The following PAPSS2 variants were observed in gnomAD, a reference collection of about 807,000 sequenced individuals.
PAPSS2 encodes the protein 3'-phosphoadenosine 5'-phosphosulfate synthase 2, also known as bifunctional 3'-phosphoadenosine 5'-phosphosulfate synthase 2.
A neutral mutation model predicts 66.5 loss-of-function variants in PAPSS2; 61 were observed. That is an observed-to-expected ratio of 0.92 (90% confidence interval 0.75 to 1.14). The LOEUF is 1.14. Ranked by LOEUF, PAPSS2 falls within the 50% of genes most tolerant of loss-of-function variation. The pLI is 0.00. For missense variants in PAPSS2, 708 were observed against 789.6 expected, an observed-to-expected ratio of 0.90 and a Z score of 1.24; for synonymous variants, 289 against 287.5, an observed-to-expected ratio of 1.01 and a Z score of -0.05.
At chr10:87,709,052 G>T (rs976826929) in intron 1 of PAPSS2, 144 bp from the exon 2 acceptor site, 3 of 578,186 alleles carry the variant, frequency 5.2e-6, no homozygotes, top group Non-Finnish European at 3.2e-6. Flanking sequence ...GGACAAAGGT[G>T]AGTCTCTTTC....
intron 1 of PAPSS2, among the ~76,000 whole-genome samples, chr10:87,678,888 A>T (rs903959161): frequency 6.6e-6 from 1 of 152,222 alleles, no homozygotes; most frequent in African/African-American, 2.4e-5. Context: ...CAAAAAACTA[A>T]AAACAGAACT....
At chr10:87,685,542 G>A (rs1853077369) in intron 1 of PAPSS2, among the ~76,000 whole-genome samples, 1 of 152,040 alleles carries the variant, frequency 6.6e-6, no homozygotes, top group Admixed American at 6.6e-5. Flanking sequence ...CATTAGCTGG[G>A]CATGATGATG....
At chr10:87,701,400 T>TTC (rs1491027060) in intron 1 of PAPSS2, among the ~76,000 whole-genome samples, 20 of 64,974 alleles carry the variant, frequency 3.1e-4, no homozygotes, top group Non-Finnish European at 3.7e-4. Flanking sequence ...TTCTTTCTCT[T>TTC]TCTTTCTCTC....
chr10:87,727,245 T>C lies in PAPSS2; in HGVS notation c.881-39T>C, dbSNP rs750532009. On this transcript the variant is annotated intron_variant, in intron 8 of 12. Transcript: ENST00000456849. ...TTCATGCTTCAAGGATGGCACACCT[T>C]ATATCTAGTTTTCGTGCATCACATG... 52 of 1,539,066 alleles carry C rather than the reference T, an allele frequency of 3.4e-5. 1 individual carries two copies. The South Asian group carries it at 4.8e-4, about 14-fold the overall frequency.
chr10:87,681,711 C>A (rs938972321), intron 1 of PAPSS2, among the ~76,000 whole-genome samples: 1 of 152,190 alleles, frequency 6.6e-6, no homozygotes, highest in African/African-American at 2.4e-5. Flanking sequence ...CCCATTCCTA[C>A]TCCAAGTTCC....
At chr10:87,705,945 G>A (rs1340954219) in intron 1 of PAPSS2, among the ~76,000 whole-genome samples, 1 of 150,734 alleles carries the variant, frequency 6.6e-6, no homozygotes, top group African/African-American at 2.4e-5. Flanking sequence ...TATTGGCCAG[G>A]CTACTCTTGA....
intron 1 of PAPSS2, among the ~76,000 whole-genome samples, chr10:87,695,543 G>A (rs944203151): frequency 1.3e-5 from 2 of 152,200 alleles, no homozygotes; most frequent in Non-Finnish European, 2.9e-5. Context: ...TCAGGACCAA[G>A]GCTGAACATC....
intron 9 of PAPSS2, 75 bp downstream of exon 9, chr10:87,727,564 T>C: frequency 8.0e-7 from 1 of 1,252,056 alleles, no homozygotes; most frequent in Non-Finnish European, 1.1e-6. Flanking sequence ...TTTTAATTCC[T>C]TTGCAAAGGA....
chr10:87,703,661 G>A (rs892819928), intron 1 of PAPSS2: 31 of 506,866 alleles, frequency 6.1e-5, no homozygotes, highest in Middle Eastern at 3.2e-4. Context: ...CAAATCAGCC[G>A]TGAAGCAGGT....
intron 1 of PAPSS2, among the ~76,000 whole-genome samples, chr10:87,673,577 CATGTGT>C (rs2131898357): frequency 9.3e-6 from 1 of 107,812 alleles, no homozygotes; most frequent in East Asian, 3.8e-4. Flanking sequence ...TGTATGTATT[CATGTGT>C]GTGTGTGTGT....
intron 1 of PAPSS2, among the ~76,000 whole-genome samples, chr10:87,699,655 T>A (rs1423547326): frequency 6.6e-6 from 1 of 152,016 alleles, no homozygotes; most frequent in Admixed American, 6.6e-5. Context: ...AGTGAGACCA[T>A]CCTGGCCAAC....
chr10:87,709,249 G>A lies in PAPSS2; in HGVS notation c.81G>A (p.Arg27=), dbSNP rs771101304. ...NVVYQAHHVS[R]NKRGQVVGTR... ...TCTATCAGGCCCACCATGTGAGCAGGAATAAGAGAGGGCAAGTGGTTGGAA... is the reference window on the plus strand; with the variant it reads ...TCTATCAGGCCCACCATGTGAGCAGAAATAAGAGAGGGCAAGTGGTTGGAA... The change falls in exon 2 of 13, where the codon AGG becomes AGA. Residue 27 remains arginine (R), a synonymous_variant. Transcript: ENST00000456849. 3.1e-6 allele frequency: 5 copies of A among 1,613,540 alleles called. No individual in the cohort carries two copies. In the South Asian group the frequency reaches 5.5e-5, roughly 18 times the overall value.
rs1853510193 is a variant in PAPSS2, at chr10:87,714,731, C to T, written c.521-14C>T. On this transcript the variant is annotated splice_polypyrimidine_tract_variant and intron_variant, in intron 4 of 12. Transcript: ENST00000456849. ...CAATACAGATGCGATGATTGTCACC[C>T]ATATGCTTTGCAGGATTTACAGGTA... 7.3e-7 allele frequency: 1 copy of T among 1,366,700 alleles called. No homozygotes were observed. Among genetic ancestry groups the T allele is most frequent in the Non-Finnish European group, 1.0e-6 (1 of 954,204 alleles). The allele number at this position is 1,366,700 out of a possible 1,614,324, so 84.7% of individuals were successfully genotyped here.
intron 9 of PAPSS2, among the ~76,000 whole-genome samples, chr10:87,730,660 T>C (rs2131722759): frequency 6.6e-6 from 1 of 152,316 alleles, no homozygotes. Flanking sequence ...TTGAACTATG[T>C]CAAAGAAATA....
intron 2 of PAPSS2, 79 bp from the exon 3 acceptor site, chr10:87,712,996 A>T: frequency 2.5e-6 from 2 of 801,044 alleles, no homozygotes; most frequent in Non-Finnish European, 2.2e-6. Context: ...AGTTATATTT[A>T]AAATTACTAG....
chr10:87,729,942 G>C (rs1167732579), intron 9 of PAPSS2, among the ~76,000 whole-genome samples: 1 of 152,140 alleles, frequency 6.6e-6, no homozygotes, highest in Non-Finnish European at 1.5e-5. Flanking sequence ...GTTGCACTGA[G>C]CCGAGGTAGC....
intron 1 of PAPSS2, among the ~76,000 whole-genome samples, chr10:87,708,566 A>G (rs943779019): frequency 2.6e-5 from 4 of 152,070 alleles, no homozygotes; most frequent in Non-Finnish European, 5.9e-5. Flanking sequence ...GTTCAAGCCT[A>G]TAGGACTTGG....
rs774132241 is a variant in PAPSS2 at position 87,743,397 on chromosome 10, G to A, written c.1247G>A (p.Arg416His). Residue 416 changes from arginine (R) to histidine (H), a missense_variant, in exon 11 of 13, where the codon CGC becomes CAC. Transcript: ENST00000456849. ...NADAVFAFQL[R>H]NPVHNGHALL... ...GATGCGGTGTTTGCATTCCAGTTGC[G>A]CAATCCTGTCCACAATGGCCATGCC... is the stretch of plus-strand genomic sequence containing the variant. 1.4e-5 allele frequency: 22 copies of A among 1,613,752 alleles called. No homozygotes were observed. Among genetic ancestry groups the A allele is most frequent in the Admixed American group, 3.3e-5 (2 of 59,984 alleles).
At position 87,714,998 on chromosome 10, in the gene PAPSS2, A is replaced by G. The variant is rs755549848; in HGVS notation, c.653A>G (p.Tyr218Cys). The G allele has an allele frequency of 1.9e-6, 3 of 1,607,458 alleles. No homozygotes were observed. The highest frequency in any genetic ancestry group is 2.6e-6 in the Non-Finnish European group (3 of 1,173,954). The change falls in exon 6 of 13, where the codon TAT becomes TGT. Residue 218 changes from tyrosine (Y) to cysteine (C), a missense_variant. Physicochemically the swap from Tyr to Cys is radical, Grantham distance 194 (BLOSUM62 -2). Transcript: ENST00000456849. Reference sequence around the variant, plus strand: ...GTTTCATTTCAGAACATTGTACCCTATACTATAATCAAAGATATCCACGAA... The same window carrying G: ...GTTTCATTTCAGAACATTGTACCCTGTACTATAATCAAAGATATCCACGAA... ...ELLQEQNIVPYTIIKDIHELF... is the reference protein window; with the variant it reads ...ELLQEQNIVPCTIIKDIHELF...
Sources: allele counts gnomAD v4.1 joint callset (sites outside exome capture counted in the v4.1 genomes callset), GRCh38; gene constraint gnomAD v4.1.1; transcripts MANE v1.5; gene names NCBI Gene and HGNC (gene_info 2026-07-23, HGNC 2026-07-21).